C3orf85: variants seen among roughly 807,000 people sequenced by gnomAD.
C3orf85 encodes chromosome 3 open reading frame 85.
A neutral mutation model predicts 1.7 loss-of-function variants in C3orf85; 1 was observed. The ratio of observed to expected loss-of-function variants is 0.60; its 90% confidence interval spans 0.21 to 2.86. The LOEUF is 2.86. C3orf85 is among the 30% of genes most tolerant of loss of function. The pLI is 0.22. For missense variants in C3orf85, 29 were observed against 21.3 expected, an observed-to-expected ratio of 1.36 and a Z score of -0.72; for synonymous variants, 17 against 8.0, an observed-to-expected ratio of 2.13 and a Z score of -1.90.
chr3:109,138,552 T>C (rs1706705178), intron 2 of C3orf85, among the ~76,000 whole-genome samples: 1 of 151,588 alleles, frequency 6.6e-6, no homozygotes, highest in Admixed American at 6.6e-5. Context: ...AAAACCACTA[T>C]TTTTTTTTAA....
rs1412454507 is a variant in C3orf85, at chr3:109,151,204, AC to A, written c.*1311del. Among the ~76,000 whole-genome samples, 6 of 152,234 alleles carry A rather than the reference AC, an allele frequency of 3.9e-5. No individual in the cohort carries two copies. The highest frequency in any genetic ancestry group is 7.3e-5 in the Non-Finnish European group (5 of 68,052). On this transcript the variant is annotated 3_prime_UTR_variant, in exon 4 of 4. Coordinates refer to ENST00000622536, the MANE Select transcript of C3orf85 (RefSeq NM_001351622.2). ...CAGTGGGAAATAAGTTTGAGATTGTACATAAATATATCTTCAGTGTTTTACC... is the reference window on the plus strand; with the variant it reads ...CAGTGGGAAATAAGTTTGAGATTGTAATAAATATATCTTCAGTGTTTTACC...
rs1176797694 is a variant in C3orf85 at position 109,150,982 on chromosome 3, C to A, written c.*1088C>A. 6.6e-6 allele frequency among the ~76,000 whole-genome samples: 1 copy of A among 152,136 alleles called. No homozygotes were observed. The highest frequency in any genetic ancestry group is 1.5e-5 in the Non-Finnish European group (1 of 68,010). ...GGAAGGACTTTGGCCTCAGCAATTT[C>A]TTCTCCAAAAGGACACTGACAGCTG... On this transcript the variant is annotated 3_prime_UTR_variant, in exon 4 of 4. Transcript: ENST00000622536.
At chr3:109,141,604 T>C (rs1217985089) in intron 2 of C3orf85, among the ~76,000 whole-genome samples, 4 of 152,190 alleles carry the variant, frequency 2.6e-5, no homozygotes, top group African/African-American at 9.7e-5. Context: ...CACCAATTTT[T>C]ATCCAAGTTC....
chr3:109,138,447 G>A (rs1325839905), intron 2 of C3orf85, among the ~76,000 whole-genome samples: 1 of 152,172 alleles, frequency 6.6e-6, no homozygotes, highest in African/African-American at 2.4e-5. Flanking sequence ...GTAGTAGCTT[G>A]AATGAACTTT....
chr3:109,144,628 G>A (rs1188947735), intron 2 of C3orf85, among the ~76,000 whole-genome samples: 1 of 152,116 alleles, frequency 6.6e-6, no homozygotes, highest in Non-Finnish European at 1.5e-5. Flanking sequence ...ATATTTTAAA[G>A]CATGCTTCTC....
At chr3:109,142,159 CCATTACTAAGA>C (rs910722504) in intron 2 of C3orf85, among the ~76,000 whole-genome samples, 3 of 152,182 alleles carry the variant, frequency 2.0e-5, no homozygotes, top group African/African-American at 7.2e-5. Context: ...AATTTTTACA[CCATTACTAAGA>C]CATTTATATA....
chr3:109,140,514 C>T (rs1234115363), intron 2 of C3orf85, among the ~76,000 whole-genome samples: 4 of 152,264 alleles, frequency 2.6e-5, no homozygotes, highest in African/African-American at 9.6e-5. Flanking sequence ...TTGGTTGTCT[C>T]AATGTCATTG....
intron 2 of C3orf85, among the ~76,000 whole-genome samples, chr3:109,137,635 G>GTATATATATATATATA (rs1436615146): frequency 2.5e-4 from 12 of 48,792 alleles, no homozygotes; most frequent in African/African-American, 4.6e-4. Context: ...GTGTGTGTGT[G>GTATATATATATATATA]TGTATATATA....
In C3orf85 at chr3:109,142,028, CA is replaced by C. The variant is rs367949639; in HGVS notation, c.49+5143del. On this transcript the variant is annotated intron_variant, in intron 2 of 3. Coordinates refer to ENST00000622536, the MANE Select transcript of C3orf85 (RefSeq NM_001351622.2). Reference sequence around the variant, plus strand: ...TGGGCAATAAAGCAAGACTACATCTCAAAAAAAAAAATTACTTAACAAAGAG... The same window carrying C: ...TGGGCAATAAAGCAAGACTACATCTCAAAAAAAAAATTACTTAACAAAGAG... Among the ~76,000 whole-genome samples the C allele has an allele frequency of 1.8e-3, 264 of 145,968 alleles. 3 individuals carry two copies. Among genetic ancestry groups the C allele is most frequent in the Middle Eastern group, 7.0e-3 (2 of 286 alleles).
chr3:109,137,637 G>GTGTGTGTGTGTATATATA (rs751674362), intron 2 of C3orf85, among the ~76,000 whole-genome samples: 2 of 79,896 alleles, frequency 2.5e-5, no homozygotes, highest in Non-Finnish European at 5.3e-5. Context: ...GTGTGTGTGT[G>GTGTGTGTGTGTATATATA]TATATATATA....
At chr3:109,144,629 C>A (rs1176824866) in intron 2 of C3orf85, among the ~76,000 whole-genome samples, 1 of 152,134 alleles carries the variant, frequency 6.6e-6, no homozygotes, top group African/African-American at 2.4e-5. Flanking sequence ...TATTTTAAAG[C>A]ATGCTTCTCT....
At chr3:109,145,051 T>C (rs1706783481) in intron 2 of C3orf85, among the ~76,000 whole-genome samples, 1 of 152,074 alleles carries the variant, frequency 6.6e-6, no homozygotes. Context: ...TGAATGCGTG[T>C]TCCTTCCTCC....
chr3:109,147,356 G>A (rs1294008258), intron 2 of C3orf85, among the ~76,000 whole-genome samples: 4 of 152,132 alleles, frequency 2.6e-5, no homozygotes, highest in African/African-American at 7.2e-5. Flanking sequence ...TATACAGAAG[G>A]TTGGTCAACA....
At chr3:109,143,576 A>G (rs1706764221) in intron 2 of C3orf85, among the ~76,000 whole-genome samples, 1 of 152,186 alleles carries the variant, frequency 6.6e-6, no homozygotes, top group Admixed American at 6.5e-5. Flanking sequence ...GTTCCTTGAA[A>G]GTAGTAGGAA....
chr3:109,137,637 G>GTGTATATATATA (rs751674362), intron 2 of C3orf85, among the ~76,000 whole-genome samples: 139 of 79,886 alleles, frequency 1.7e-3, no homozygotes, highest in South Asian at 5.6e-3. Flanking sequence ...GTGTGTGTGT[G>GTGTATATATATA]TATATATATA....
chr3:109,140,961 T>G (rs1310941582), intron 2 of C3orf85, among the ~76,000 whole-genome samples: 1 of 152,134 alleles, frequency 6.6e-6, no homozygotes, highest in Non-Finnish European at 1.5e-5. Flanking sequence ...TAGACCTTTG[T>G]TTTTTTGTTG....
chr3:109,143,939 T>C (rs1011804411), intron 2 of C3orf85, among the ~76,000 whole-genome samples: 1 of 152,178 alleles, frequency 6.6e-6, no homozygotes, highest in South Asian at 2.1e-4. Flanking sequence ...GCAGAGGATA[T>C]TTAAGAAATG....
Position 109,151,143 on chromosome 3 carries a change from A to G in C3orf85, c.*1249A>G, listed in dbSNP as rs1706864427. On this transcript the variant is annotated 3_prime_UTR_variant, in exon 4 of 4. Transcript: ENST00000622536. ...ACATAGATTTTTAAATTACATCTGA[A>G]CAAACAAAACAAAGATGATGAATCA... Among the ~76,000 whole-genome samples the G allele has an allele frequency of 1.3e-5, 2 of 152,242 alleles. No homozygotes were observed. Among genetic ancestry groups the G allele is most frequent in the Admixed American group, 6.5e-5 (1 of 15,284 alleles).
At chr3:109,144,871 TG>T (rs1706779687) in intron 2 of C3orf85, among the ~76,000 whole-genome samples, 1 of 152,150 alleles carries the variant, frequency 6.6e-6, no homozygotes. Context: ...AATTTTGTTT[TG>T]AAAAAAACAC....
Sources: allele counts gnomAD v4.1 joint callset (sites outside exome capture counted in the v4.1 genomes callset), GRCh38; gene constraint gnomAD v4.1.1; transcripts MANE v1.5; gene names NCBI Gene and HGNC (gene_info 2026-07-23, HGNC 2026-07-21).